VWF: variants seen among roughly 807,000 people sequenced by gnomAD.
VWF encodes the protein von Willebrand factor.
A neutral mutation model predicts 308.6 loss-of-function variants in VWF; 176 were observed. That is an observed-to-expected ratio of 0.57 (90% CI 0.50 to 0.65). The LOEUF (loss-of-function observed/expected upper bound fraction) is 0.65, where lower values mean the gene tolerates loss of function less well. Ranked by LOEUF, VWF falls within the 30% of genes least tolerant of loss-of-function variation. VWF has a pLI of 0.00. For synonymous variants in VWF, 1,385 were observed against 1,443.4 expected, an observed-to-expected ratio of 0.96 and a Z score of 0.92; for missense variants, 3,146 against 3,648.2, an observed-to-expected ratio of 0.86 and a Z score of 3.55.
chr12:5,950,370 C>A (rs895300865), intron 50 of VWF, among the ~76,000 whole-genome samples: 7 of 152,072 alleles, frequency 4.6e-5, no homozygotes, highest in African/African-American at 1.7e-4. Context: ...CGAGAAGATC[C>A]CTAGGCACCT....
intron 39 of VWF, 66 bp downstream of exon 39, chr12:5,985,497 T>C (rs1943669140): frequency 6.6e-7 from 1 of 1,518,954 alleles, no homozygotes; most frequent in Non-Finnish European, 9.0e-7. Context: ...TGAAGATGGG[T>C]GGCTGGGGGG....
At chr12:6,096,141 ATGG>A (rs1191693810) in intron 5 of VWF, among the ~76,000 whole-genome samples, 1 of 152,008 alleles carries the variant, frequency 6.6e-6, no homozygotes, top group African/African-American at 2.4e-5. Flanking sequence ...GGATGGATGG[ATGG>A]ATGGATGGAT....
intron 7 of VWF, among the ~76,000 whole-genome samples, chr12:6,074,731 G>A (rs1386734324): frequency 6.6e-6 from 1 of 152,130 alleles, no homozygotes; most frequent in Non-Finnish European, 1.5e-5. Context: ...GGAAAGAGGA[G>A]ACTTCTTGCA....
chr12:6,095,496 G>A lies in VWF; in HGVS notation c.621C>T (p.Ser207=), dbSNP rs745435568. Residue 207 remains serine, a synonymous_variant, in exon 6 of 52, where the codon AGC becomes AGT. Coordinates refer to ENST00000261405, the MANE Select transcript of VWF (RefSeq NM_000552.5). The part of the protein sequence containing the change: ...EQWCERASPP[S]SSCNISSGEM... ...CCCCAGAGGAGATGTTGCATGAGCT[G>A]CTGGGAGGAGATGCCCGTTCACACC... 1 of 1,614,022 alleles carries A rather than the reference G, an allele frequency of 6.2e-7. No homozygotes were observed. The highest frequency in any genetic ancestry group is 2.2e-5 in the East Asian group (1 of 44,894).
chr12:5,962,190 A>C (rs1943326250), intron 47 of VWF, among the ~76,000 whole-genome samples: 2 of 152,238 alleles, frequency 1.3e-5, no homozygotes, highest in African/African-American at 2.4e-5. Context: ...GACTGAGAGC[A>C]AGACCTAAAT....
At chr12:6,026,087 G>C (rs188771730) in intron 22 of VWF, 41 bp from the exon 23 acceptor site, 3 of 1,613,652 alleles carry the variant, frequency 1.9e-6, no homozygotes, top group South Asian at 2.2e-5. Context: ...TCAAGCCCAG[G>C]AGCATGCTCT....
rs112439642 is a variant in VWF, at chr12:6,121,415, C to T, written c.56-77G>A. 92 of 1,551,862 alleles carry T rather than the reference C, an allele frequency of 5.9e-5. No homozygotes were observed. In the African/African-American group the frequency reaches 8.6e-4, roughly 14 times the overall value. On this transcript the variant is annotated intron_variant, in intron 2 of 51. Coordinates refer to ENST00000261405, the MANE Select transcript of VWF (RefSeq NM_000552.5). Reference sequence around the variant, plus strand: ...CCATCAGCTCAAACCTCTCTGGCCTCGTAGAAATTAGACTGCCTCTGATAG... The same window carrying T: ...CCATCAGCTCAAACCTCTCTGGCCTTGTAGAAATTAGACTGCCTCTGATAG...
In VWF at chr12:6,044,207, C is replaced by T. The variant is rs183985268; in HGVS notation, c.2442+84G>A. The T allele has an allele frequency of 3.3e-5, 52 of 1,552,868 alleles. No individual in the cohort carries two copies. In the East Asian group the frequency reaches 1.2e-3, roughly 35 times the overall value. On this transcript the variant is annotated intron_variant, in intron 18 of 51. Coordinates refer to ENST00000261405, the MANE Select transcript of VWF (RefSeq NM_000552.5). The stretch of plus-strand genomic sequence containing the variant: ...CCGTGTTTAGCCCTTGTTTCTTCCT[C>T]TCTCTGGCTGCACAGCCCCCTCACT...
At chr12:5,970,990 C>T (rs117938721) in intron 44 of VWF, among the ~76,000 whole-genome samples, 3 of 152,152 alleles carry the variant, frequency 2.0e-5, no homozygotes, top group African/African-American at 7.2e-5. Context: ...TAAGAGAGAA[C>T]CTGGCAGCAC....
At chr12:5,973,537 C>T (rs1270725167) in intron 43 of VWF, among the ~76,000 whole-genome samples, 1 of 152,228 alleles carries the variant, frequency 6.6e-6, no homozygotes, top group Non-Finnish European at 1.5e-5. Context: ...CTGGGTCAGA[C>T]TGGCCCTTGC....
At chr12:6,017,691 T>C (rs1241900604) in intron 28 of VWF, among the ~76,000 whole-genome samples, 2 of 152,202 alleles carry the variant, frequency 1.3e-5, no homozygotes, top group African/African-American at 2.4e-5. Flanking sequence ...ATCCCCATTT[T>C]ATAGATGAGG....
intron 22 of VWF, among the ~76,000 whole-genome samples, chr12:6,027,619 T>C (rs769284899): frequency 2.6e-5 from 4 of 151,976 alleles, no homozygotes; most frequent in African/African-American, 4.8e-5. Context: ...ATTGCCAGCG[T>C]TGAATATGGA....
At chr12:5,949,271 G>A in intron 51 of VWF, 68 bp from the exon 52 acceptor site, 2 of 1,545,624 alleles carry the variant, frequency 1.3e-6, no homozygotes, top group South Asian at 1.1e-5. Context: ...CAGGGCTCTG[G>A]GGCAGCCTGC....
chr12:6,104,515 G>C (rs1020475746), intron 5 of VWF, among the ~76,000 whole-genome samples: 2 of 151,504 alleles, frequency 1.3e-5, no homozygotes, highest in African/African-American at 4.9e-5. Context: ...GTGAAACCCC[G>C]CCTCTACTAA....
chr12:6,108,898 G>A (rs1361083657), intron 5 of VWF, among the ~76,000 whole-genome samples: 4 of 150,706 alleles, frequency 2.7e-5, no homozygotes, highest in South Asian at 2.1e-4. Context: ...GGAGAATGGC[G>A]TGAACCCAGG....
chr12:6,065,796 G>T (rs981858325), intron 10 of VWF, among the ~76,000 whole-genome samples: 1 of 152,212 alleles, frequency 6.6e-6, no homozygotes, highest in Non-Finnish European at 1.5e-5. Flanking sequence ...AGAGTAGGCA[G>T]CCCAGAGGCA....
rs377210732 is a variant in VWF at position 6,000,692 on chromosome 12, G to T, written c.5843-4470C>A. 1.2e-3 allele frequency among the ~76,000 whole-genome samples: 175 copies of T among 151,148 alleles called. 4 individuals are homozygous for T. In the East Asian group the frequency reaches 0.031, roughly 27 times the overall value. On this transcript the variant is annotated intron_variant, in intron 34 of 51. Transcript: ENST00000261405. ...CCAGGCGTGGTGGCGGGCGCCTGTA[G>T]TCCCAGCTACTCGGGAGGCTGAGGC...
chr12:5,995,083 A>G (rs1943794710), intron 35 of VWF, among the ~76,000 whole-genome samples: 1 of 152,268 alleles, frequency 6.6e-6, no homozygotes, highest in Non-Finnish European at 1.5e-5. Context: ...CTCATCAGCT[A>G]TCGTTAGTGT....
intron 18 of VWF, among the ~76,000 whole-genome samples, chr12:6,043,704 G>A (rs1381990899): frequency 6.6e-6 from 1 of 152,210 alleles, no homozygotes; most frequent in African/African-American, 2.4e-5. Flanking sequence ...TGGATGCACG[G>A]CCTCCATGCC....
Sources: gnomAD v4.1 joint callset for allele counts (sites outside exome capture counted in the v4.1 genomes callset) on GRCh38, gnomAD v4.1.1 for gene constraint, MANE v1.5 for transcripts, NCBI Gene and HGNC (gene_info 2026-07-23, HGNC 2026-07-21) for gene names.